Variants in FREM2 observed in about 807,000 individuals in gnomAD.
FREM2 encodes FRAS1 related extracellular matrix 2.
FREM2 carries 119 observed loss-of-function variants against 219.9 expected under a neutral mutation model. The observed-to-expected ratio is 0.54, with a 90% CI of 0.47 to 0.63. FREM2 has a LOEUF of 0.63. Among genes scored for constraint, FREM2 ranks in the 30% least tolerant of loss-of-function variants. The pLI is 0.00. For missense variants in FREM2, 4,030 were observed against 3,993.6 expected, an observed-to-expected ratio of 1.01 and a Z score of -0.25; for synonymous variants, 1,562 against 1,522.8, an observed-to-expected ratio of 1.03 and a Z score of -0.60.
At chr13:38,710,099 G>A (rs1489653566) in intron 2 of FREM2, among the ~76,000 whole-genome samples, 3 of 151,226 alleles carry the variant, frequency 2.0e-5, no homozygotes, top group African/African-American at 4.9e-5. Context: ...CAGGAAAATC[G>A]CATGAACCCA....
chr13:38,839,377 T>C (rs1876850788), intron 6 of FREM2, among the ~76,000 whole-genome samples: 1 of 152,148 alleles, frequency 6.6e-6, no homozygotes, highest in African/African-American at 2.4e-5. Context: ...GCCAGAGCTC[T>C]CCAGTATGAG....
chr13:38,869,345 T>C (rs998353545), intron 16 of FREM2, among the ~76,000 whole-genome samples: 1 of 152,250 alleles, frequency 6.6e-6, no homozygotes, highest in African/African-American at 2.4e-5. Context: ...TGATTAACTT[T>C]TATGCAGCTA....
At chr13:38,869,314 T>C (rs902764155) in intron 16 of FREM2, among the ~76,000 whole-genome samples, 4 of 152,226 alleles carry the variant, frequency 2.6e-5, no homozygotes, top group Non-Finnish European at 4.4e-5. Context: ...AGGATAGTTA[T>C]CTGTTAACAG....
At chr13:38,848,022 G>A (rs1433660945) in intron 7 of FREM2, among the ~76,000 whole-genome samples, 1 of 152,160 alleles carries the variant, frequency 6.6e-6, no homozygotes, top group East Asian at 1.9e-4. Flanking sequence ...TGAGTAGGAT[G>A]TTCTACAGCA....
chr13:38,863,990 G>A (rs1877857809), intron 15 of FREM2, among the ~76,000 whole-genome samples: 1 of 151,928 alleles, frequency 6.6e-6, no homozygotes, highest in African/African-American at 2.4e-5. Context: ...CCGCCACCAT[G>A]CCCAGCTATT....
At chr13:38,868,916 G>A (rs951878482) in intron 16 of FREM2, among the ~76,000 whole-genome samples, 2 of 152,176 alleles carry the variant, frequency 1.3e-5, no homozygotes, top group Admixed American at 1.3e-4. Context: ...GTGCTTCAGA[G>A]GCTTCGTGGT....
intron 2 of FREM2, among the ~76,000 whole-genome samples, chr13:38,756,227 G>A (rs1162446980): frequency 1.3e-5 from 2 of 152,146 alleles, no homozygotes; most frequent in Non-Finnish European, 2.9e-5. Flanking sequence ...TTACGTTTCC[G>A]TAAAATCACA....
intron 2 of FREM2, among the ~76,000 whole-genome samples, chr13:38,742,604 T>G (rs1346444471): frequency 2.6e-5 from 4 of 152,244 alleles, no homozygotes; most frequent in Admixed American, 2.6e-4. Flanking sequence ...TACATTGCAT[T>G]TGCCCTGTTT....
intron 1 of FREM2, among the ~76,000 whole-genome samples, chr13:38,693,381 G>A (rs751387239): frequency 2.0e-5 from 3 of 152,168 alleles, no homozygotes; most frequent in Non-Finnish European, 4.4e-5. Context: ...GTTGCTTCAG[G>A]CACCTGCGGT....
intron 6 of FREM2, among the ~76,000 whole-genome samples, chr13:38,816,384 G>A (rs1361350735): frequency 6.6e-6 from 1 of 152,162 alleles, no homozygotes; most frequent in Admixed American, 6.5e-5. Context: ...ATCATTCACT[G>A]TGGTCAAGTG....
intron 6 of FREM2, among the ~76,000 whole-genome samples, chr13:38,820,132 A>T (rs1332534895): frequency 6.6e-6 from 1 of 152,140 alleles, no homozygotes; most frequent in African/African-American, 2.4e-5. Context: ...AGCAAAGCTT[A>T]TTAGTGCAGT....
At chr13:38,707,776 G>T (rs1418077782) in intron 2 of FREM2, among the ~76,000 whole-genome samples, 1 of 152,142 alleles carries the variant, frequency 6.6e-6, no homozygotes, top group Non-Finnish European at 1.5e-5. Context: ...TTGTGTCCCC[G>T]TAATACTTCT....
intron 6 of FREM2, among the ~76,000 whole-genome samples, chr13:38,831,421 GACTC>G (rs1876503825): frequency 6.6e-6 from 1 of 152,036 alleles, no homozygotes; most frequent in Non-Finnish European, 1.5e-5. Flanking sequence ...TTTGAAGAAA[GACTC>G]ACTATGTATT....
At position 38,697,609 on chromosome 13, in the gene FREM2, A is replaced by G; in HGVS notation, c.5174-89A>G. 3.9e-6 allele frequency: 3 copies of G among 777,220 alleles called. No homozygotes were observed. In the South Asian group the frequency reaches 4.3e-5, roughly 11 times the overall value. The allele number at this position is 777,220 out of a possible 1,614,324, so 48.1% of individuals were successfully genotyped here. Reference sequence around the variant, plus strand: ...GAAAAAGGAATTTAAACATGTTTATAGGAAAACTAATAGCCAATAAAATTT... The same window carrying G: ...GAAAAAGGAATTTAAACATGTTTATGGGAAAACTAATAGCCAATAAAATTT... On this transcript the variant is annotated intron_variant, in intron 1 of 23. Coordinates refer to ENST00000280481, the MANE Select transcript of FREM2 (RefSeq NM_207361.6).
At chr13:38,787,911 T>C (rs891062372) in intron 6 of FREM2, among the ~76,000 whole-genome samples, 1 of 151,836 alleles carries the variant, frequency 6.6e-6, no homozygotes, top group African/African-American at 2.4e-5. Context: ...ACAGGGAGGA[T>C]GGGTCTCATG....
At chr13:38,736,481 A>G (rs562249370) in intron 2 of FREM2, among the ~76,000 whole-genome samples, 1 of 152,332 alleles carries the variant, frequency 6.6e-6, no homozygotes, top group South Asian at 2.1e-4. Context: ...ATAAGATTTT[A>G]TGTTATTTTA....
intron 2 of FREM2, among the ~76,000 whole-genome samples, chr13:38,761,247 A>G (rs1198786719): frequency 6.6e-6 from 1 of 152,168 alleles, no homozygotes; most frequent in Non-Finnish European, 1.5e-5. Context: ...ATGTGAAGTC[A>G]TAGGTGTTAG....
At chr13:38,861,614 C>A in intron 15 of FREM2, 52 bp downstream of exon 15, 2 of 1,591,790 alleles carry the variant, frequency 1.3e-6, no homozygotes, top group Non-Finnish European at 1.7e-6. Context: ...CTCCTCATTA[C>A]CTGTTGTATT....
intron 2 of FREM2, among the ~76,000 whole-genome samples, chr13:38,727,074 C>T (rs1027745463): frequency 3.3e-5 from 5 of 152,084 alleles, no homozygotes; most frequent in African/African-American, 7.2e-5. Flanking sequence ...GCTTGTTGGA[C>T]GTAGTTTTTG....
Sources: gnomAD v4.1 joint callset for allele counts (sites outside exome capture counted in the v4.1 genomes callset) on GRCh38, gnomAD v4.1.1 for gene constraint, MANE v1.5 for transcripts, NCBI Gene and HGNC (gene_info 2026-07-23, HGNC 2026-07-21) for gene names.